The following BMAL1 variants were observed in gnomAD, a reference collection of about 807,000 sequenced individuals.
BMAL1 encodes basic helix-loop-helix ARNT-like protein 1.
At chr11:13,353,391 G>A in the BMAL1 span, 1 of 152,356 alleles carries the variant, frequency 6.6e-6, no homozygotes, top group Non-Finnish European at 1.5e-5. Flanking sequence ...CTTTGGTCAA[G>A]GGTATATGAG....
chr11:13,370,470 G>A, the BMAL1 span, among the ~76,000 whole-genome samples: 1 of 152,192 alleles, frequency 6.6e-6, no homozygotes, highest in Admixed American at 6.5e-5. Context: ...AATCACCTGA[G>A]CCTCTCCTCC....
chr11:13,375,526 G>T, the BMAL1 span: 1 of 1,177,132 alleles, frequency 8.5e-7, no homozygotes, highest in East Asian at 2.7e-5. Context: ...TGGAGCTCAA[G>T]TACCTTTAAT....
At chr11:13,312,727 TATCCCCAGC>T in the BMAL1 span, among the ~76,000 whole-genome samples, 1 of 152,334 alleles carries the variant, frequency 6.6e-6, no homozygotes, top group South Asian at 2.1e-4. Flanking sequence ...TTTTTCACTG[TATCCCCAGC>T]ATCGTAGCAC....
the BMAL1 span, among the ~76,000 whole-genome samples, chr11:13,367,338 A>G: frequency 1.3e-5 from 2 of 152,142 alleles, no homozygotes; most frequent in Non-Finnish European, 2.9e-5. Context: ...CTTCTGTGCA[A>G]GGCCCCAGTA....
At chr11:13,386,172 A>T in the BMAL1 span, among the ~76,000 whole-genome samples, 1 of 152,154 alleles carries the variant, frequency 6.6e-6, no homozygotes, top group Non-Finnish European at 1.5e-5. Context: ...CATCACATCC[A>T]TCTTTTTCTC....
chr11:13,314,217 T>C, the BMAL1 span, among the ~76,000 whole-genome samples: 7 of 131,978 alleles, frequency 5.3e-5, no homozygotes, highest in Non-Finnish European at 9.9e-5. Context: ...CTGAGCTCCT[T>C]AAGGGTGGAG....
chr11:13,280,193 A>G, the BMAL1 span, among the ~76,000 whole-genome samples: 1 of 152,270 alleles, frequency 6.6e-6, no homozygotes, highest in Non-Finnish European at 1.5e-5. Flanking sequence ...AAGCAGATCA[A>G]CAGATGGTGT....
At chr11:13,327,231 T>C in the BMAL1 span, among the ~76,000 whole-genome samples, 27 of 50,298 alleles carry the variant, frequency 5.4e-4, no homozygotes, top group Non-Finnish European at 1.0e-3. Flanking sequence ...ACTTCTCTTT[T>C]ATGAAAAAAA....
chr11:13,378,550 T>C, the BMAL1 span: 1 of 1,490,606 alleles, frequency 6.7e-7, no homozygotes, highest in South Asian at 1.2e-5. Context: ...TTTTTGGTCT[T>C]CACAACTGGG....
chr11:13,383,314 G>C, the BMAL1 span, among the ~76,000 whole-genome samples: 1 of 152,296 alleles, frequency 6.6e-6, no homozygotes, highest in Non-Finnish European at 1.5e-5. Context: ...CAGAAAGAGA[G>C]GGGGCACAAG....
the BMAL1 span, among the ~76,000 whole-genome samples, chr11:13,352,514 C>T: frequency 1.8e-4 from 28 of 152,252 alleles, 1 homozygote; most frequent in East Asian, 4.1e-3. Flanking sequence ...TCTCTTTAGA[C>T]TGGCAAGAGC....
At chr11:13,338,343 G>A in the BMAL1 span, among the ~76,000 whole-genome samples, 3 of 152,206 alleles carry the variant, frequency 2.0e-5, no homozygotes, top group African/African-American at 2.4e-5. Context: ...GGAAGATCCC[G>A]AGACTCGTTA....
the BMAL1 span, among the ~76,000 whole-genome samples, chr11:13,320,252 C>T: frequency 1.3e-5 from 2 of 152,230 alleles, no homozygotes; most frequent in Admixed American, 6.5e-5. Flanking sequence ...TTCTCTAGCT[C>T]TCCTCTCTGG....
the BMAL1 span, among the ~76,000 whole-genome samples, chr11:13,315,322 CCT>C: frequency 6.6e-6 from 1 of 152,236 alleles, no homozygotes; most frequent in Non-Finnish European, 1.5e-5. Context: ...CCTGCCTCCT[CCT>C]CAGAAGCCTC....
the BMAL1 span, among the ~76,000 whole-genome samples, chr11:13,310,369 G>A: frequency 2.6e-4 from 39 of 152,244 alleles, no homozygotes; most frequent in African/African-American, 8.9e-4. Context: ...AAAAGTCCGG[G>A]GAGGAGTGAA....
the BMAL1 span, among the ~76,000 whole-genome samples, chr11:13,328,601 CT>C: frequency 3.3e-4 from 51 of 152,344 alleles, 1 homozygote; most frequent in African/African-American, 1.1e-3. Context: ...CCCCAGAATC[CT>C]TTCTCCTGCT....
chr11:13,355,018 A>G, the BMAL1 span: 2 of 409,842 alleles, frequency 4.9e-6, no homozygotes, highest in African/African-American at 3.9e-5. Flanking sequence ...TGAGTAAGTA[A>G]ATTTTCACAC....
At chr11:13,333,399 C>T in the BMAL1 span, among the ~76,000 whole-genome samples, 1 of 152,192 alleles carries the variant, frequency 6.6e-6, no homozygotes, top group African/African-American at 2.4e-5. Context: ...TTCTTTGAGC[C>T]ATTACTGGTC....
the BMAL1 span, among the ~76,000 whole-genome samples, chr11:13,292,550 A>AG: frequency 1.1e-5 from 1 of 88,238 alleles, no homozygotes; most frequent in African/African-American, 3.4e-5. Context: ...CCATCTCAAA[A>AG]AAAAAAAAAT....
Sources: allele counts gnomAD v4.1 joint callset (sites outside exome capture counted in the v4.1 genomes callset), GRCh38; gene constraint gnomAD v4.1.1; transcripts MANE v1.5; gene names NCBI Gene and HGNC (gene_info 2026-07-23, HGNC 2026-07-21).